CADPS: variants seen among roughly 807,000 people sequenced by gnomAD.
The protein encoded by CADPS is calcium-dependent secretion activator 1.
In CADPS, 57 loss-of-function variants were observed where a neutral mutation model predicts 167.3. That is an observed-to-expected ratio of 0.34 (90% CI 0.28 to 0.42). The LOEUF (loss-of-function observed/expected upper bound fraction) is 0.42. Among genes scored for constraint, CADPS ranks in the 20% least tolerant of loss-of-function variants. The pLI is 1.00. For missense variants in CADPS, 1,414 were observed against 1,738.1 expected, an observed-to-expected ratio of 0.81 and a Z score of 3.32; for synonymous variants, 676 against 635.3, an observed-to-expected ratio of 1.06 and a Z score of -0.96.
rs1000611929 is a variant in CADPS at position 62,455,565 on chromosome 3, T to C, written c.3637-9768A>G. The stretch of plus-strand genomic sequence containing the variant: ...TGTTGATTTTTGTGACATGATCTTA[T>C]TTTAAGAGAAACTTGGAAGTGCAAA... On this transcript the variant is annotated intron_variant, in intron 26 of 29. Transcript: ENST00000383710. This position sits in a 1 kb window ranked among gnomAD's most constrained non-coding sequence, Gnocchi z 4.4. Among the ~76,000 whole-genome samples, 2 of 152,222 alleles carry C rather than the reference T, an allele frequency of 1.3e-5. No homozygotes were observed. Among genetic ancestry groups the C allele is most frequent in the Non-Finnish European group, 2.9e-5 (2 of 68,042 alleles).
chr3:62,856,175 C>T (rs2079647943), intron 1 of CADPS, among the ~76,000 whole-genome samples: 1 of 152,030 alleles, frequency 6.6e-6, no homozygotes, highest in African/African-American at 2.4e-5. Flanking sequence ...AGTCCATTAG[C>T]CCTGAGCTCC....
At position 62,404,473 on chromosome 3, in the gene CADPS, A is replaced by T. The variant is rs1432309731; in HGVS notation, c.3778-1288T>A. On this transcript the variant is annotated intron_variant, in intron 28 of 29. Coordinates refer to ENST00000383710, the MANE Select transcript of CADPS (RefSeq NM_003716.4). ...TTTCTGACTTAATTTCTTTTAAAAA[A>T]ATTAATTTAGGTTTTTACTTGCAAG... The T allele has an allele frequency of 2.0e-5, 3 of 152,558 alleles. No homozygotes were observed. In the East Asian group the frequency reaches 5.8e-4, roughly 29 times the overall value. The allele number at this position is 152,558 out of a possible 1,614,324, so 9.5% of individuals were successfully genotyped here. A position where few individuals can be genotyped will look rare whatever the true frequency, so the allele number is the denominator to read the frequency against.
At chr3:62,413,143 G>A (rs908540763) in intron 28 of CADPS, among the ~76,000 whole-genome samples, 1 of 152,154 alleles carries the variant, frequency 6.6e-6, no homozygotes, top group Admixed American at 6.5e-5. Context: ...GCACAAGATG[G>A]GAAAGCAGAG....
At chr3:62,783,094 C>A (rs2091949093) in intron 1 of CADPS, among the ~76,000 whole-genome samples, 1 of 152,088 alleles carries the variant, frequency 6.6e-6, no homozygotes, top group Non-Finnish European at 1.5e-5. Flanking sequence ...ATCTTACATT[C>A]CTCCAGAAAA....
At chr3:62,786,489 AC>A (rs1425298700) in intron 1 of CADPS, among the ~76,000 whole-genome samples, 3 of 152,102 alleles carry the variant, frequency 2.0e-5, no homozygotes, top group Non-Finnish European at 4.4e-5. Context: ...AAAAATAAAT[AC>A]ATTAGCTAGG....
At chr3:62,715,862 C>A in intron 3 of CADPS, among the ~76,000 whole-genome samples, 1 of 106,544 alleles carries the variant, frequency 9.4e-6, no homozygotes, top group African/African-American at 3.4e-5. Flanking sequence ...GTTCATGCCT[C>A]AGCCTCCTGA....
intron 1 of CADPS, among the ~76,000 whole-genome samples, chr3:62,824,093 G>A (rs543460736): frequency 6.6e-6 from 1 of 150,788 alleles, no homozygotes; most frequent in South Asian, 2.1e-4. Flanking sequence ...CCAAGGCTGA[G>A]ATTGCCACTG....
At chr3:62,614,800 T>C (rs2062011277) in intron 6 of CADPS, among the ~76,000 whole-genome samples, 1 of 152,184 alleles carries the variant, frequency 6.6e-6, no homozygotes, top group Non-Finnish European at 1.5e-5. Context: ...TCTATACAGG[T>C]GTGGCAAAAC....
chr3:62,623,573 C>G (rs1030287614), intron 6 of CADPS, among the ~76,000 whole-genome samples: 19 of 152,012 alleles, frequency 1.2e-4, no homozygotes, highest in Admixed American at 6.6e-5. Context: ...AAGAATCAAG[C>G]CCTAAATTGA....
intron 1 of CADPS, among the ~76,000 whole-genome samples, chr3:62,863,571 G>T (rs894908142): frequency 3.0e-4 from 45 of 152,306 alleles, no homozygotes; most frequent in African/African-American, 1.1e-3. Context: ...GGACAGCACA[G>T]GGATGTTAAG....
At chr3:62,762,007 C>T (rs939723182) in intron 2 of CADPS, among the ~76,000 whole-genome samples, 1 of 152,188 alleles carries the variant, frequency 6.6e-6, no homozygotes, top group Non-Finnish European at 1.5e-5. Context: ...CCTTGGTCTC[C>T]TTTCTCCCAT....
intron 1 of CADPS, among the ~76,000 whole-genome samples, chr3:62,829,616 G>A (rs1031037275): frequency 6.6e-6 from 1 of 152,080 alleles, no homozygotes; most frequent in Non-Finnish European, 1.5e-5. Flanking sequence ...TCTTCCAGGT[G>A]TAGTATCAAA....
rs1345866510 is a variant in CADPS at position 62,533,004 on chromosome 3, C to T, written c.2158G>A (p.Gly720Arg). 1.2e-6 allele frequency: 2 copies of T among 1,613,790 alleles called. No homozygotes were observed. The highest frequency in any genetic ancestry group is 1.7e-6 in the Non-Finnish European group (2 of 1,179,814). ...FVLDEYCARNGVRGCHRHLCY... is the reference protein window; with the variant it reads ...FVLDEYCARNRVRGCHRHLCY... ...AGATGTCGGTGACACCCCCGGACTC[C>T]ATTTCGGGCGCAATACTCGTCTAGT... The change falls in exon 13 of 30, where the codon GGA (glycine) becomes AGA (arginine). Residue 720 changes from glycine to arginine, a missense_variant. Physicochemically the swap from Gly to Arg is moderately radical, Grantham distance 125. Transcript: ENST00000383710.
chr3:62,771,894 G>A (rs754741475), intron 1 of CADPS, among the ~76,000 whole-genome samples: 2 of 152,140 alleles, frequency 1.3e-5, no homozygotes, highest in East Asian at 1.9e-4. Context: ...AGGAGAAAAC[G>A]GCATGTTCTA....
intron 1 of CADPS, among the ~76,000 whole-genome samples, chr3:62,849,309 C>A (rs1438181951): frequency 6.8e-6 from 1 of 146,436 alleles, no homozygotes; most frequent in Non-Finnish European, 1.5e-5. Flanking sequence ...ACTTCCAACA[C>A]TATGTTGAAT....
chr3:62,716,205 A>C (rs1458940684), intron 3 of CADPS, among the ~76,000 whole-genome samples: 2 of 152,088 alleles, frequency 1.3e-5, no homozygotes, highest in Non-Finnish European at 2.9e-5. Context: ...GACTACAGGC[A>C]CTTGCCACCA....
chr3:62,785,868 T>C (rs1344773726), intron 1 of CADPS, among the ~76,000 whole-genome samples: 2 of 113,766 alleles, frequency 1.8e-5, no homozygotes, highest in African/African-American at 6.8e-5. Flanking sequence ...TAGTAAGACA[T>C]AAAAAACCAA....
chr3:62,637,042 G>A (rs976526903), intron 6 of CADPS, among the ~76,000 whole-genome samples: 6 of 152,096 alleles, frequency 3.9e-5, no homozygotes, highest in South Asian at 2.1e-4. Context: ...TTTCTTAACA[G>A]TACCATGTGG....
chr3:62,620,221 G>A (rs2062959546), intron 6 of CADPS, among the ~76,000 whole-genome samples: 1 of 152,068 alleles, frequency 6.6e-6, no homozygotes, highest in Admixed American at 6.6e-5. Context: ...AGAGACTGCT[G>A]TCATTTAGGG....
Sources: allele counts gnomAD v4.1 joint callset (sites outside exome capture counted in the v4.1 genomes callset), GRCh38; gene constraint gnomAD v4.1.1; non-coding constraint Gnocchi (gnomAD v3.1); transcripts MANE v1.5; gene names NCBI Gene and HGNC (gene_info 2026-07-23, HGNC 2026-07-21).